ARHGEF28: variants seen among roughly 807,000 people sequenced by gnomAD.
ARHGEF28 encodes 190 kDa guanine nucleotide exchange factor.
In ARHGEF28, 152 loss-of-function variants were observed where a neutral mutation model predicts 206.6. The observed-to-expected ratio is 0.74, with a 90% CI of 0.64 to 0.84. The LOEUF is 0.84. Ranked by LOEUF, ARHGEF28 falls within the 40% of genes least tolerant of loss-of-function variation. ARHGEF28 has a pLI of 0.00. For synonymous variants in ARHGEF28, 763 were observed against 776.4 expected (o/e 0.98, Z 0.29); for missense variants, 2,028 against 2,073.2 (o/e 0.98, Z 0.42).
chr5:73,853,975 A>T (rs1300542552), intron 14 of ARHGEF28, among the ~76,000 whole-genome samples: 1 of 152,190 alleles, frequency 6.6e-6, no homozygotes, highest in Non-Finnish European at 1.5e-5. Context: ...TTTCACTTTG[A>T]TGGCATCTTT....
chr5:73,663,244 C>G (rs1745729060), intron 1 of ARHGEF28, among the ~76,000 whole-genome samples: 1 of 152,186 alleles, frequency 6.6e-6, no homozygotes, highest in Admixed American at 6.6e-5. Context: ...GCATGAGCTA[C>G]CTTGCCCAGC....
chr5:73,923,546 T>C (rs1391882567), intron 35 of ARHGEF28, among the ~76,000 whole-genome samples: 5 of 152,194 alleles, frequency 3.3e-5, no homozygotes, highest in African/African-American at 1.2e-4. Context: ...ATTTGTCAGG[T>C]AAGAGATACA....
intron 23 of ARHGEF28, 132 bp from the exon 24 acceptor site, chr5:73,883,635 G>A (rs375123282): frequency 4.2e-5 from 21 of 500,170 alleles, no homozygotes; most frequent in Middle Eastern, 4.8e-4. Context: ...ATAATGCATC[G>A]TTTTAATTGA....
At chr5:73,668,395 T>A (rs913602911) in intron 1 of ARHGEF28, among the ~76,000 whole-genome samples, 4 of 152,220 alleles carry the variant, frequency 2.6e-5, no homozygotes, top group African/African-American at 9.6e-5. Flanking sequence ...TGTGCCACAC[T>A]ATCCCATGGT....
intron 35 of ARHGEF28, among the ~76,000 whole-genome samples, chr5:73,924,481 A>G (rs1338857842): frequency 1.3e-5 from 2 of 152,186 alleles, no homozygotes; most frequent in Non-Finnish European, 2.9e-5. Context: ...GACCTTTGTG[A>G]GCACTTAATA....
chr5:73,638,504 A>G (rs1382675623), intron 1 of ARHGEF28, among the ~76,000 whole-genome samples: 1 of 152,226 alleles, frequency 6.6e-6, no homozygotes, highest in Non-Finnish European at 1.5e-5. Context: ...TCCAGGGCCA[A>G]GTATCCTACA....
intron 7 of ARHGEF28, among the ~76,000 whole-genome samples, chr5:73,783,666 G>C (rs1334543606): frequency 6.6e-6 from 1 of 152,146 alleles, no homozygotes; most frequent in East Asian, 1.9e-4. Context: ...GTGAGGTCCT[G>C]AAAGTGTAGG....
At chr5:73,881,234 C>T (rs145644309) in intron 22 of ARHGEF28, among the ~76,000 whole-genome samples, 1,675 of 152,126 alleles carry the variant, frequency 0.011, 18 homozygotes, top group Middle Eastern at 0.027. Context: ...AGAATGAGTC[C>T]TTCCACTTTA....
At chr5:73,632,847 A>G (rs1324957460) in intron 1 of ARHGEF28, among the ~76,000 whole-genome samples, 1 of 152,138 alleles carries the variant, frequency 6.6e-6, no homozygotes, top group Non-Finnish European at 1.5e-5. Context: ...CGTGTTGTAG[A>G]AGACAGTCTT....
intron 1 of ARHGEF28, among the ~76,000 whole-genome samples, chr5:73,660,490 A>G (rs1745523487): frequency 6.6e-6 from 1 of 152,116 alleles, no homozygotes. Context: ...ATGAATCACA[A>G]ATGTCCTTAA....
intron 13 of ARHGEF28, among the ~76,000 whole-genome samples, chr5:73,851,417 T>C (rs1197524492): frequency 6.6e-6 from 1 of 152,076 alleles, no homozygotes; most frequent in Non-Finnish European, 1.5e-5. Flanking sequence ...TTTTTTTTTT[T>C]TTTGAGCCAA....
At chr5:73,916,422 A>G (rs1045744077) in intron 35 of ARHGEF28, among the ~76,000 whole-genome samples, 3 of 152,218 alleles carry the variant, frequency 2.0e-5, no homozygotes, top group Non-Finnish European at 4.4e-5. Context: ...GGCTTAGACA[A>G]CAGAAATTTA....
chr5:73,682,943 C>T (rs1747202209), intron 1 of ARHGEF28, among the ~76,000 whole-genome samples: 1 of 152,076 alleles, frequency 6.6e-6, no homozygotes, highest in Non-Finnish European at 1.5e-5. Flanking sequence ...TCCTGTCTGC[C>T]CCATTTAGAA....
intron 1 of ARHGEF28, among the ~76,000 whole-genome samples, chr5:73,659,943 G>A (rs777721029): frequency 6.6e-6 from 1 of 151,904 alleles, no homozygotes; most frequent in East Asian, 1.9e-4. Context: ...GTTGATGGCT[G>A]CTGACTGATC....
intron 31 of ARHGEF28, 110 bp downstream of exon 31, chr5:73,901,394 T>C (rs1442610965): frequency 3.9e-6 from 3 of 761,428 alleles, no homozygotes; most frequent in Middle Eastern, 2.4e-4. Context: ...CTTTTCTGAA[T>C]TGTTCTCAAT....
chr5:73,887,633 T>C lies in ARHGEF28; in HGVS notation c.3341T>C (p.Leu1114Pro), dbSNP rs774217755. 1 of 1,573,854 alleles carries C rather than the reference T, an allele frequency of 6.4e-7. No homozygotes were observed. ...CTAGCTCTACTTCTAACTGATGTGC[T>C]GCTCTTTTTACAAGAAAAAGACCAG... ...DILALLLTDV[L>P]LFLQEKDQKY... Residue 1114 changes from leucine to proline, a missense_variant, in exon 26 of 36, where the codon CTG (leucine) becomes CCG (proline). Around this residue, in one of 3 missense-constraint regions of ARHGEF28, gnomAD observed 803 missense variants for 768.0 expected, o/e 1.05. Transcript: ENST00000513042.
chr5:73,893,435 C>T (rs759935274), intron 28 of ARHGEF28, 147 bp downstream of exon 28: 50 of 470,970 alleles, frequency 1.1e-4, no homozygotes, highest in Non-Finnish European at 1.3e-4. Context: ...GAAACTTACA[C>T]TAGAAATGCT....
intron 35 of ARHGEF28, among the ~76,000 whole-genome samples, chr5:73,919,674 G>T (rs1763409968): frequency 6.6e-6 from 1 of 152,200 alleles, no homozygotes. Context: ...AATGTCAAAA[G>T]CAGCCTACAG....
At chr5:73,936,329 A>G (rs375168368) in intron 35 of ARHGEF28, among the ~76,000 whole-genome samples, 7 of 152,330 alleles carry the variant, frequency 4.6e-5, no homozygotes, top group Admixed American at 1.3e-4. Flanking sequence ...GGCTCACTTC[A>G]AATATATGTT....
Sources: allele counts gnomAD v4.1 joint callset (sites outside exome capture counted in the v4.1 genomes callset), GRCh38; gene constraint gnomAD v4.1.1; regional missense constraint gnomAD v4.1.1; transcripts MANE v1.5; gene names NCBI Gene and HGNC (gene_info 2026-07-23, HGNC 2026-07-21).